Variants in GALNT2 observed in about 807,000 individuals in gnomAD.
GALNT2 encodes UDP-GalNAc:polypeptide N-acetylgalactosaminyltransferase 2.
In GALNT2, 31 loss-of-function variants were observed where a neutral mutation model predicts 81.4. That is an observed-to-expected ratio of 0.38 (90% CI 0.29 to 0.51). The LOEUF (loss-of-function observed/expected upper bound fraction) is 0.51, where lower values mean the gene tolerates loss of function less well. Among genes scored for constraint, GALNT2 ranks in the 20% least tolerant of loss-of-function variants. The pLI is 0.87. For synonymous variants in GALNT2, 303 were observed against 287.4 expected, an observed-to-expected ratio of 1.05 and a Z score of -0.55; for missense variants, 629 against 765.7, an observed-to-expected ratio of 0.82 and a Z score of 2.11.
At chr1:230,183,730 C>T (rs1278362743) in intron 2 of GALNT2, among the ~76,000 whole-genome samples, 3 of 152,174 alleles carry the variant, frequency 2.0e-5, no homozygotes, top group African/African-American at 7.2e-5. Context: ...GTAATCCCAG[C>T]ACTTTGGGAG....
Position 230,243,865 on chromosome 1 carries a change from G to C in GALNT2, c.729+438G>C, listed in dbSNP as rs1186977221. Among the ~76,000 whole-genome samples the C allele has an allele frequency of 6.6e-6, 1 of 152,164 alleles. No homozygotes were observed. Among genetic ancestry groups the C allele is most frequent in the African/African-American group, 2.4e-5 (1 of 41,448 alleles). On this transcript the variant is annotated intron_variant, in intron 7 of 15. Coordinates refer to ENST00000366672, the MANE Select transcript of GALNT2 (RefSeq NM_004481.5). This position sits in a 1 kb window ranked among gnomAD's most constrained non-coding sequence, Gnocchi z 4.2. ...CTGGGGCCACCTCTCTGCTCTTAGT[G>C]AGTAGGGCAGGTTAGCCCAGCAGGC...
chr1:230,252,582 ACACTAACTGCCTAATTAAAAAGC>A (rs1665581571), intron 10 of GALNT2, among the ~76,000 whole-genome samples: 1 of 152,192 alleles, frequency 6.6e-6, no homozygotes, highest in Non-Finnish European at 1.5e-5. Context: ...CAAGATGTAA[ACACTAACTGCCTAATTAAAAAGC>A]CATTGAGTTT....
At chr1:230,083,740 G>T (rs946152393) in intron 1 of GALNT2, among the ~76,000 whole-genome samples, 1 of 152,186 alleles carries the variant, frequency 6.6e-6, no homozygotes, top group African/African-American at 2.4e-5. Flanking sequence ...TTCTTCAGAG[G>T]AATGACAGTG....
rs376145176 is a variant in GALNT2 at position 230,203,282 on chromosome 1, G to A, written c.366G>A (p.Arg122=). 1.2e-6 allele frequency: 2 copies of A among 1,613,986 alleles called. No homozygotes were observed. The highest frequency in any genetic ancestry group is 1.7e-6 in the Non-Finnish European group (2 of 1,179,922). Residue 122 remains arginine, a synonymous_variant, in exon 3 of 16, where the codon CGG becomes CGA. Transcript: ENST00000366672. ...TGGACAGAGCCATCCCTGACACCCG[G>A]CATGACCAGTAAGTACCCCACTAAG... ...LRMDRAIPDT[R]HDQCQRKQWR...
At chr1:230,096,969 T>C (rs1052879869) in intron 1 of GALNT2, among the ~76,000 whole-genome samples, 1 of 152,216 alleles carries the variant, frequency 6.6e-6, no homozygotes, top group South Asian at 2.1e-4. Flanking sequence ...CCTCTCCTTA[T>C]TAAATTTGTT....
intron 1 of GALNT2, among the ~76,000 whole-genome samples, chr1:230,175,085 G>A (rs1662919843): frequency 6.6e-6 from 1 of 152,198 alleles, no homozygotes; most frequent in Non-Finnish European, 1.5e-5. Flanking sequence ...ACCAGGCCAA[G>A]GCCTTCGGTA....
chr1:230,203,026 A>G (rs1294348008), intron 2 of GALNT2, 111 bp from the exon 3 acceptor site: 4 of 1,181,988 alleles, frequency 3.4e-6, no homozygotes, highest in Admixed American at 2.2e-5. Flanking sequence ...AATGGCCACT[A>G]TATAAAGAAG....
Position 230,183,948 on chromosome 1 carries a change from G to A in GALNT2, c.220+5637G>A, listed in dbSNP as rs1231820210. 2.0e-5 allele frequency among the ~76,000 whole-genome samples: 3 copies of A among 151,904 alleles called. No homozygotes were observed. The East Asian group carries it at 5.8e-4, about 29-fold the overall frequency. On this transcript the variant is annotated intron_variant, in intron 2 of 15. Coordinates refer to ENST00000366672, the MANE Select transcript of GALNT2 (RefSeq NM_004481.5). Reference sequence around the variant, plus strand: ...AGCCGAGATCGTACCACTATTCTGAGCCTGGGTGACAGAGCAAGACTACAA... The same window carrying A: ...AGCCGAGATCGTACCACTATTCTGAACCTGGGTGACAGAGCAAGACTACAA...
At chr1:230,179,537 AT>A (rs1663092590) in intron 2 of GALNT2, among the ~76,000 whole-genome samples, 1 of 152,042 alleles carries the variant, frequency 6.6e-6, no homozygotes, top group African/African-American at 2.4e-5. Flanking sequence ...TTTATTTCCA[AT>A]TCTCTAATGA....
rs375459772 is a variant in GALNT2 at position 230,185,236 on chromosome 1, T to C, written c.220+6925T>C. Among the ~76,000 whole-genome samples the C allele has an allele frequency of 1.6e-4, 25 of 152,238 alleles. 1 individual carries two copies. The South Asian group carries it at 4.6e-3, about 28-fold the overall frequency. ...ATTGTTCTATATCTGAGTCTGGTTC[T>C]GATACTTGCTGTGTCTCTTTAAACT... On this transcript the variant is annotated intron_variant, in intron 2 of 15. Coordinates refer to ENST00000366672, the MANE Select transcript of GALNT2 (RefSeq NM_004481.5).
chr1:230,062,008 G>T (rs142173454), intron 1 of GALNT2, among the ~76,000 whole-genome samples: 1 of 152,098 alleles, frequency 6.6e-6, no homozygotes, highest in South Asian at 2.1e-4. Context: ...TGGATATTAC[G>T]CTATATGTGT....
intron 6 of GALNT2, among the ~76,000 whole-genome samples, chr1:230,240,469 G>A (rs750263528): frequency 1.3e-4 from 20 of 152,198 alleles, no homozygotes; most frequent in African/African-American, 4.1e-4. Context: ...GCATGCGCCT[G>A]TAGTCCCAGC....
chr1:230,248,020 G>T (rs937461143), intron 8 of GALNT2, among the ~76,000 whole-genome samples: 3 of 152,272 alleles, frequency 2.0e-5, no homozygotes, highest in Non-Finnish European at 2.9e-5. Context: ...GCCCGCAGGG[G>T]TCTCCTCTCT....
In GALNT2 at chr1:230,274,508, C is replaced by T. The variant is rs147219046; in HGVS notation, c.1504C>T (p.Arg502Trp). 49 of 1,613,832 alleles carry T rather than the reference C, an allele frequency of 3.0e-5. No homozygotes were observed. The highest frequency in any genetic ancestry group is 7.7e-5 in the South Asian group (7 of 91,050). The change falls in exon 15 of 16, where the codon CGG becomes TGG. Residue 502 changes from arginine (R) to tryptophan (W), a missense_variant. Physicochemically the swap from Arg to Trp is moderately radical, Grantham distance 101. This residue lies in a region of GALNT2 where 207 missense variants were observed against 225.5 expected (regional missense o/e 0.92). Transcript: ENST00000366672. ...HMDLCLTVVD[R>W]APGSLIKLQG... The stretch of plus-strand genomic sequence containing the variant: ...GGATTTGTGCCTTACTGTGGTGGAC[C>T]GGGCACCGGGCTCTCTTATAAAGCT...
At chr1:230,121,154 T>C (rs1349348413) in intron 1 of GALNT2, among the ~76,000 whole-genome samples, 2 of 152,234 alleles carry the variant, frequency 1.3e-5, no homozygotes, top group African/African-American at 4.8e-5. Flanking sequence ...CACTTCCTTG[T>C]TGACATTCCC....
In GALNT2 at chr1:230,245,937, A is replaced by C. The variant is rs1665354233; in HGVS notation, c.730-126A>C. 7.9e-6 allele frequency: 6 copies of C among 756,874 alleles called. No individual in the cohort carries two copies. The South Asian group carries it at 9.3e-5, about 12-fold the overall frequency. The allele number at this position is 756,874 out of a possible 1,614,324, so 46.9% of individuals were successfully genotyped here. On this transcript the variant is annotated intron_variant, in intron 7 of 15. Coordinates refer to ENST00000366672, the MANE Select transcript of GALNT2 (RefSeq NM_004481.5). ...GGGGAGGCTGGGTTCTTGAGGGCCTAGGGTAGTAGGTAGTAAGGGCCAGTT... is the reference window on the plus strand; with the variant it reads ...GGGGAGGCTGGGTTCTTGAGGGCCTCGGGTAGTAGGTAGTAAGGGCCAGTT...
intron 1 of GALNT2, among the ~76,000 whole-genome samples, chr1:230,104,913 G>A (rs917000934): frequency 2.0e-5 from 3 of 152,202 alleles, no homozygotes; most frequent in Non-Finnish European, 4.4e-5. Flanking sequence ...CTAAGCGTAG[G>A]TTTTGCAACT....
intron 1 of GALNT2, among the ~76,000 whole-genome samples, chr1:230,124,493 A>G (rs1425430072): frequency 1.3e-5 from 2 of 152,224 alleles, no homozygotes; most frequent in Non-Finnish European, 2.9e-5. Flanking sequence ...TACCTGTGGC[A>G]TGAAAAAATC....
chr1:230,188,626 C>A (rs1464451691), intron 2 of GALNT2, among the ~76,000 whole-genome samples: 1 of 152,164 alleles, frequency 6.6e-6, no homozygotes, highest in Non-Finnish European at 1.5e-5. Context: ...CTTTTACATG[C>A]TGTAAAAATA....
Sources: allele counts gnomAD v4.1 joint callset (sites outside exome capture counted in the v4.1 genomes callset), GRCh38; gene constraint gnomAD v4.1.1; regional missense constraint gnomAD v4.1.1; non-coding constraint Gnocchi (gnomAD v3.1); transcripts MANE v1.5; gene names NCBI Gene and HGNC (gene_info 2026-07-23, HGNC 2026-07-21).